Variants in CCDC170 observed in about 807,000 individuals in gnomAD.
The protein encoded by CCDC170 is coiled-coil domain-containing protein 170.
CCDC170 carries 69 observed loss-of-function variants against 72.6 expected under a neutral mutation model. The ratio of observed to expected loss-of-function variants is 0.95; its 90% confidence interval spans 0.78 to 1.16. The LOEUF (loss-of-function observed/expected upper bound fraction) is 1.16, where lower values mean the gene tolerates loss of function less well. Among genes scored for constraint, CCDC170 ranks in the 50% most tolerant of loss-of-function variants. The probability of loss-of-function intolerance (pLI) is 0.00; values close to 1 mark genes in which losing one functional copy is unlikely to be tolerated. For synonymous variants in CCDC170, 300 were observed against 303.9 expected, an observed-to-expected ratio of 0.99 and a Z score of 0.13; for missense variants, 852 against 832.5, an observed-to-expected ratio of 1.02 and a Z score of -0.29.
intron 6 of CCDC170, among the ~76,000 whole-genome samples, chr6:151,583,245 G>T (rs927262229): frequency 2.0e-5 from 3 of 151,724 alleles, no homozygotes; most frequent in African/African-American, 7.3e-5. Context: ...CACCCACCTT[G>T]GCCTCCCAAA....
At chr6:151,599,893 G>A (rs1776678396) in intron 9 of CCDC170, among the ~76,000 whole-genome samples, 1 of 152,206 alleles carries the variant, frequency 6.6e-6, no homozygotes, top group South Asian at 2.1e-4. Context: ...ATGAAAAGAA[G>A]AGAGTTAGGA....
At chr6:151,537,396 A>T (rs1782606219) in intron 2 of CCDC170, among the ~76,000 whole-genome samples, 1 of 152,226 alleles carries the variant, frequency 6.6e-6, no homozygotes. Flanking sequence ...AGATGCTTTC[A>T]TAACTTTTTC....
chr6:151,608,631 A>C (rs1489699015), intron 9 of CCDC170, among the ~76,000 whole-genome samples: 1 of 152,016 alleles, frequency 6.6e-6, no homozygotes, highest in Non-Finnish European at 1.5e-5. Flanking sequence ...TGTTTTGTGG[A>C]GGCTGTGGTG....
chr6:151,555,206 A>G (rs1782955637), intron 5 of CCDC170, among the ~76,000 whole-genome samples: 1 of 152,092 alleles, frequency 6.6e-6, no homozygotes, highest in African/African-American at 2.4e-5. Context: ...TAAAATCTGT[A>G]AAATGGGAAA....
chr6:151,595,864 T>A (rs182456613), intron 8 of CCDC170, among the ~76,000 whole-genome samples: 5 of 152,232 alleles, frequency 3.3e-5, no homozygotes, highest in Non-Finnish European at 4.4e-5. Context: ...GGGGGCCACG[T>A]GTTCCAGTTC....
At chr6:151,535,952 G>C (rs1391967445) in intron 1 of CCDC170, among the ~76,000 whole-genome samples, 1 of 152,068 alleles carries the variant, frequency 6.6e-6, no homozygotes, top group African/African-American at 2.4e-5. Context: ...ATAGGGTCTT[G>C]CTGTCTCTAT....
In CCDC170 at chr6:151,617,911, T is replaced by C. The variant is rs1776994762; in HGVS notation, c.1948-36T>C. On this transcript the variant is annotated intron_variant, in intron 10 of 10. Transcript: ENST00000239374. Reference sequence around the variant, plus strand: ...GCTCAGCAGTAGTTGATACATTTTGTTCTCCCAGTTAATGAGTTTCTGTTT... The same window carrying C: ...GCTCAGCAGTAGTTGATACATTTTGCTCTCCCAGTTAATGAGTTTCTGTTT... The C allele has an allele frequency of 1.9e-6, 3 of 1,593,288 alleles. No homozygotes were observed. The Admixed American group carries it at 5.1e-5, about 27-fold the overall frequency.
chr6:151,620,804 A>T lies in CCDC170; in HGVS notation c.*2657A>T, dbSNP rs1014716030. On this transcript the variant is annotated 3_prime_UTR_variant, in exon 11 of 11. Transcript: ENST00000239374. ...TTAAATAATATTTTAAAAACATGAA[A>T]TTTTTTTTTCATTTTTGATTTGATA... 7.3e-5 allele frequency: 11 copies of T among 151,486 alleles called. No individual in the cohort carries two copies. Among genetic ancestry groups the T allele is most frequent in the Admixed American group, 3.9e-4 (6 of 15,206 alleles). 9.4% of individuals were successfully genotyped at this position (151,486 alleles called of 1,614,324 possible).
At chr6:151,589,976 T>G (rs1776509802) in intron 7 of CCDC170, among the ~76,000 whole-genome samples, 1 of 152,088 alleles carries the variant, frequency 6.6e-6, no homozygotes, top group Non-Finnish European at 1.5e-5. Context: ...GTAGCAGCAC[T>G]CGTCTGGCGT....
chr6:151,618,219 C>A lies in CCDC170; in HGVS notation c.*72C>A, dbSNP rs770956532. 8.7e-5 allele frequency: 114 copies of A among 1,306,114 alleles called. 1 individual carries two copies. Among genetic ancestry groups the A allele is most frequent in the Non-Finnish European group, 1.1e-4 (97 of 919,750 alleles). The allele number at this position is 1,306,114 out of a possible 1,614,324, so 80.9% of individuals were successfully genotyped here. ...TCCCAATTTCACAAATTCCTCATGT[C>A]TTTGAGATTTGATCAGTTTGTGAAT... On this transcript the variant is annotated 3_prime_UTR_variant, in exon 11 of 11. Coordinates refer to ENST00000239374, the MANE Select transcript of CCDC170 (RefSeq NM_025059.4).
At chr6:151,570,409 A>G (rs968599320) in intron 5 of CCDC170, among the ~76,000 whole-genome samples, 1 of 152,232 alleles carries the variant, frequency 6.6e-6, no homozygotes, top group Non-Finnish European at 1.5e-5. Flanking sequence ...TATAGATAAA[A>G]AAATATGGAA....
chr6:151,618,067 T>C lies in CCDC170; in HGVS notation c.2068T>C (p.Phe690Leu). 1 of 1,614,166 alleles carries C rather than the reference T, an allele frequency of 6.2e-7. No homozygotes were observed. The highest frequency in any genetic ancestry group is 8.5e-7 in the Non-Finnish European group (1 of 1,180,022). Residue 690 changes from phenylalanine (F) to leucine (L), a missense_variant, in exon 11 of 11, where the codon TTT becomes CTT. Coordinates refer to ENST00000239374, the MANE Select transcript of CCDC170 (RefSeq NM_025059.4). ...ATTGGTCCATTCACATCAGCATCAC[T>C]TTGTTACCTGTGCCTGCCTCAAAGA... is the stretch of plus-strand genomic sequence containing the variant. ...ERLVHSHQHH[F>L]VTCACLKDVT...
chr6:151,511,876 C>T (rs78588171), intron 1 of CCDC170, among the ~76,000 whole-genome samples: 11,033 of 152,204 alleles, frequency 0.072, 511 homozygotes, highest in East Asian at 0.17. Flanking sequence ...GACAGGGTCT[C>T]AGTCTCTGCC....
At chr6:151,510,515 C>G (rs1175226211) in intron 1 of CCDC170, among the ~76,000 whole-genome samples, 1 of 152,076 alleles carries the variant, frequency 6.6e-6, no homozygotes, top group Non-Finnish European at 1.5e-5. Context: ...AATATAATTT[C>G]CCATAATGTA....
Position 151,593,257 on chromosome 6 carries a change from A to G in CCDC170, c.1444A>G (p.Ile482Val), listed in dbSNP as rs1006828418. Residue 482 changes from isoleucine to valine, a missense_variant, in exon 8 of 11, where the codon ATT (isoleucine) becomes GTT (valine). Ile to Val is a conservative substitution (Grantham distance 29). Transcript: ENST00000239374. ...ESNAVIENKT[I>V]AHNLQRKLKT... is the part of the protein sequence containing the mutation. ...CAATGCAGTCATTGAGAACAAGACC[A>G]TTGCCCACAATTTGCAGAGAAAGGT... The G allele has an allele frequency of 6.2e-7, 1 of 1,613,856 alleles. No homozygotes were observed. The highest frequency in any genetic ancestry group is 8.5e-7 in the Non-Finnish European group (1 of 1,179,760).
Position 151,544,733 on chromosome 6 carries a change from T to C in CCDC170, c.588+17T>C, listed in dbSNP as rs1562277445. ...ATTTTAAAGGTGTCTGTATGCAGAT[T>C]AAAAAGTCTATAAATGTAGTGGTGA... is the stretch of plus-strand genomic sequence containing the variant. On this transcript the variant is annotated intron_variant, in intron 4 of 10. Coordinates refer to ENST00000239374, the MANE Select transcript of CCDC170 (RefSeq NM_025059.4). 6.3e-7 allele frequency: 1 copy of C among 1,596,192 alleles called. No individual in the cohort carries two copies. Among genetic ancestry groups the C allele is most frequent in the Admixed American group, 1.7e-5 (1 of 58,982 alleles).
chr6:151,601,894 T>C (rs1776715212), intron 9 of CCDC170, among the ~76,000 whole-genome samples: 1 of 152,232 alleles, frequency 6.6e-6, no homozygotes. Context: ...GCCAAGTTGA[T>C]ACATAAAATT....
At chr6:151,574,052 A>G (rs1776267689) in intron 6 of CCDC170, among the ~76,000 whole-genome samples, 1 of 152,206 alleles carries the variant, frequency 6.6e-6, no homozygotes, top group Non-Finnish European at 1.5e-5. Flanking sequence ...CAGTCTGAGC[A>G]ATATAGTGAG....
At chr6:151,533,269 T>G (rs1782520486) in intron 1 of CCDC170, among the ~76,000 whole-genome samples, 1 of 151,668 alleles carries the variant, frequency 6.6e-6, no homozygotes, top group South Asian at 2.1e-4. Flanking sequence ...TTAGCCAGGA[T>G]GGTCTCGATC....
Sources: gnomAD v4.1 joint callset for allele counts (sites outside exome capture counted in the v4.1 genomes callset) on GRCh38, gnomAD v4.1.1 for gene constraint, MANE v1.5 for transcripts, NCBI Gene and HGNC (gene_info 2026-07-23, HGNC 2026-07-21) for gene names.